The following QTMAN variants were observed in gnomAD, a reference collection of about 807,000 sequenced individuals.
QTMAN encodes tRNA-queuosine alpha-mannosyltransferase.
At chr2:144,072,621 C>T in the QTMAN span, among the ~76,000 whole-genome samples, 2 of 152,086 alleles carry the variant, frequency 1.3e-5, no homozygotes, top group Non-Finnish European at 2.9e-5. Context: ...AGGAATTGCA[C>T]CACTCCTTGA....
the QTMAN span, among the ~76,000 whole-genome samples, chr2:144,021,748 A>G: frequency 6.6e-6 from 1 of 152,244 alleles, no homozygotes; most frequent in Non-Finnish European, 1.5e-5. Context: ...AAATCTAATC[A>G]TAGAACACAA....
chr2:144,044,749 T>C, the QTMAN span, among the ~76,000 whole-genome samples: 1 of 152,080 alleles, frequency 6.6e-6, no homozygotes, highest in Non-Finnish European at 1.5e-5. Context: ...CACCAGATAA[T>C]CAGAATGAAC....
chr2:144,252,267 G>A, the QTMAN span, among the ~76,000 whole-genome samples: 1 of 152,020 alleles, frequency 6.6e-6, no homozygotes, highest in African/African-American at 2.4e-5. Flanking sequence ...CCCAGTTATT[G>A]GGGAAGCAGA....
At chr2:144,204,539 T>C in the QTMAN span, among the ~76,000 whole-genome samples, 1 of 152,174 alleles carries the variant, frequency 6.6e-6, no homozygotes, top group South Asian at 2.1e-4. Flanking sequence ...TTTTACACTG[T>C]TGTTGGGACT....
At chr2:144,022,732 T>C in the QTMAN span, among the ~76,000 whole-genome samples, 1 of 151,968 alleles carries the variant, frequency 6.6e-6, no homozygotes, top group Admixed American at 6.6e-5. Flanking sequence ...TCCAGCTAAT[T>C]TTTTTATTTT....
chr2:144,107,139 C>T, the QTMAN span, among the ~76,000 whole-genome samples: 2 of 152,066 alleles, frequency 1.3e-5, no homozygotes, highest in South Asian at 2.1e-4. Flanking sequence ...CACTAAATGC[C>T]CACAAGAGAA....
At chr2:144,232,572 T>C in the QTMAN span, among the ~76,000 whole-genome samples, 172 of 152,292 alleles carry the variant, frequency 1.1e-3, no homozygotes, top group African/African-American at 4.0e-3. Context: ...CCAAAAATCA[T>C]TGACAATTTT....
the QTMAN span, chr2:143,957,451 C>T: frequency 1.9e-5 from 11 of 578,862 alleles, no homozygotes; most frequent in Non-Finnish European, 2.4e-5. Flanking sequence ...CTTATTTTAA[C>T]GAACTTCTTG....
the QTMAN span, among the ~76,000 whole-genome samples, chr2:144,202,163 G>C: frequency 6.6e-6 from 1 of 152,174 alleles, no homozygotes; most frequent in Non-Finnish European, 1.5e-5. Flanking sequence ...GTGCCCCAAA[G>C]AGGGTAGTTG....
the QTMAN span, among the ~76,000 whole-genome samples, chr2:144,182,526 C>A: frequency 1.3e-5 from 2 of 150,688 alleles, no homozygotes; most frequent in African/African-American, 2.4e-5. Context: ...CATCTGTAAT[C>A]CCACCTACTT....
At chr2:143,972,993 G>A in the QTMAN span, among the ~76,000 whole-genome samples, 1 of 152,202 alleles carries the variant, frequency 6.6e-6, no homozygotes, top group Non-Finnish European at 1.5e-5. Context: ...ATTTAATATT[G>A]AGTTGGTAAT....
At chr2:144,099,112 T>C in the QTMAN span, among the ~76,000 whole-genome samples, 18 of 152,332 alleles carry the variant, frequency 1.2e-4, no homozygotes, top group South Asian at 2.7e-3. Context: ...ACATGACATA[T>C]GCATCTGCAT....
At chr2:144,279,374 A>G in the QTMAN span, among the ~76,000 whole-genome samples, 3 of 106,888 alleles carry the variant, frequency 2.8e-5, no homozygotes, top group South Asian at 3.2e-4. Flanking sequence ...TCACCGCAAG[A>G]AAAAAAAAAA....
chr2:144,251,933 C>T, the QTMAN span, among the ~76,000 whole-genome samples: 3 of 152,034 alleles, frequency 2.0e-5, no homozygotes. Context: ...CACTGGCTCA[C>T]ACTTGTAATC....
the QTMAN span, among the ~76,000 whole-genome samples, chr2:144,323,721 A>C: frequency 1.3e-5 from 2 of 152,332 alleles, no homozygotes; most frequent in South Asian, 2.1e-4. Flanking sequence ...TAATAAATAT[A>C]CTAAATATGT....
At chr2:144,330,246 G>T in the QTMAN span, among the ~76,000 whole-genome samples, 34 of 152,260 alleles carry the variant, frequency 2.2e-4, no homozygotes, top group African/African-American at 8.2e-4. Context: ...CTAAGTTTAG[G>T]TGTGTTTAGG....
the QTMAN span, among the ~76,000 whole-genome samples, chr2:144,207,190 A>G: frequency 6.6e-6 from 1 of 152,220 alleles, no homozygotes; most frequent in Non-Finnish European, 1.5e-5. Context: ...GATACACTTT[A>G]AATTCGAAAA....
the QTMAN span, among the ~76,000 whole-genome samples, chr2:144,124,128 G>T: frequency 4.6e-5 from 7 of 152,078 alleles, no homozygotes; most frequent in Non-Finnish European, 1.0e-4. Flanking sequence ...GCTAGTAGAA[G>T]CGTTCTAAAT....
chr2:144,136,756 C>T, the QTMAN span, among the ~76,000 whole-genome samples: 90 of 152,238 alleles, frequency 5.9e-4, no homozygotes, highest in African/African-American at 2.1e-3. Context: ...TCTTGAAACA[C>T]ACTGCAAAAT....
Sources: gnomAD v4.1 joint callset for allele counts (sites outside exome capture counted in the v4.1 genomes callset) on GRCh38, gnomAD v4.1.1 for gene constraint, MANE v1.5 for transcripts, NCBI Gene and HGNC (gene_info 2026-07-23, HGNC 2026-07-21) for gene names.